The following C5 variants were observed in gnomAD, a reference collection of about 807,000 sequenced individuals.
C5 encodes the protein complement C5.
Under a neutral mutation model 218.8 loss-of-function variants are expected in C5, and 140 were observed. That is an observed-to-expected ratio of 0.64 (90% CI 0.56 to 0.74). The LOEUF (loss-of-function observed/expected upper bound fraction) is 0.74, where lower values mean the gene tolerates loss of function less well. C5 is among the 30% of genes least tolerant of loss of function. The probability of loss-of-function intolerance (pLI) is 0.00; values close to 1 mark genes in which losing one functional copy is unlikely to be tolerated. For synonymous variants in C5, 614 were observed against 682.3 expected (o/e 0.90, Z 1.56); for missense variants, 1,700 against 1,969.6 (o/e 0.86, Z 2.59).
At chr9:121,062,615 T>C in the C5 span, among the ~76,000 whole-genome samples, 1 of 152,342 alleles carries the variant, frequency 6.6e-6, no homozygotes, top group East Asian at 1.9e-4. Context: ...GAGAAAATTT[T>C]AAGACAACTA....
At chr9:120,953,077 C>T (rs1469444156) in intron 40 of C5, among the ~76,000 whole-genome samples, 1 of 152,174 alleles carries the variant, frequency 6.6e-6, no homozygotes, top group East Asian at 1.9e-4. Context: ...GTGCCTGCCA[C>T]CACGCCCGGC....
At chr9:121,074,544 A>C in the C5 span, among the ~76,000 whole-genome samples, 1 of 152,136 alleles carries the variant, frequency 6.6e-6, no homozygotes, top group Non-Finnish European at 1.5e-5. Flanking sequence ...TGATAAGAAC[A>C]CTCGCTCATA....
intron 26 of C5, 44 bp from the exon 27 acceptor site, chr9:120,981,983 T>G: frequency 7.5e-7 from 1 of 1,326,780 alleles, no homozygotes. Flanking sequence ...AATGGTGTCT[T>G]TAAGGCGAAA....
rs576539063 is a variant in C5, at chr9:121,017,428, C to T, written c.1800G>A (p.Val600=). 22 of 1,613,998 alleles carry T rather than the reference C, an allele frequency of 1.4e-5. No homozygotes were observed. The East Asian group carries it at 1.6e-4, about 11-fold the overall frequency. The change falls in exon 14 of 41, where the codon GTG becomes GTA. Residue 600 remains valine (V), a synonymous_variant. Coordinates refer to ENST00000223642, the MANE Select transcript of C5 (RefSeq NM_001735.3). ...LNMATGMDSW[V]ALAAVDSAVY... Reference sequence around the variant, plus strand: ...CAGCACTGTCCACTGCTGCTAATGCCACCCAGGAATCCATTCCAGTTGCCA... The same window carrying T: ...CAGCACTGTCCACTGCTGCTAATGCTACCCAGGAATCCATTCCAGTTGCCA...
chr9:120,959,706 A>C (rs1478433684), intron 38 of C5, among the ~76,000 whole-genome samples: 1 of 152,276 alleles, frequency 6.6e-6, no homozygotes, highest in Non-Finnish European at 1.5e-5. Context: ...CAAGGCTACA[A>C]CTGTACTTGA....
chr9:120,979,993 C>T, intron 28 of C5, 90 bp downstream of exon 28: 1 of 1,113,844 alleles, frequency 9.0e-7, no homozygotes. Flanking sequence ...GCATCTTACT[C>T]AAGTTCACAT....
upstream of C5, among the ~76,000 whole-genome samples, chr9:121,054,190 G>T (rs531545551): frequency 2.0e-5 from 3 of 151,962 alleles, no homozygotes; most frequent in Admixed American, 1.3e-4. Context: ...ATCATAAGAC[G>T]GACAAAACAG....
the C5 span, among the ~76,000 whole-genome samples, chr9:121,062,131 T>C: frequency 1.3e-5 from 2 of 152,178 alleles, no homozygotes; most frequent in African/African-American, 4.8e-5. Context: ...CCTGTTCCAA[T>C]GGAGAATGTG....
the C5 span, among the ~76,000 whole-genome samples, chr9:121,066,873 AAAAC>A: frequency 6.6e-6 from 1 of 151,148 alleles, no homozygotes; most frequent in East Asian, 1.9e-4. Context: ...AAAAAAAAAA[AAAAC>A]AAAAACACAT....
In C5 at chr9:121,002,308, A is replaced by ATGTG. The variant is rs71370613; in HGVS notation, c.2562+3607_2562+3610dup. 2.8e-4 allele frequency among the ~76,000 whole-genome samples: 19 copies of ATGTG among 66,938 alleles called. 2 individuals carry two copies. The East Asian group carries it at 6.8e-3, about 24-fold the overall frequency. The allele number at this position is 66,938 out of a possible 152,430, so 43.9% of individuals were successfully genotyped here. ...TATATATGTATATATGTATATATAT[A>ATGTG]TGTGTGTGTATATATATATATATAT... On this transcript the variant is annotated intron_variant, in intron 20 of 40. Transcript: ENST00000223642.
At position 120,976,858 on chromosome 9, in the gene C5, C is replaced by A. The variant is rs202114605; in HGVS notation, c.3706G>T (p.Asp1236Tyr). The A allele has an allele frequency of 6.2e-7, 1 of 1,614,144 alleles. No homozygotes were observed. Among genetic ancestry groups the A allele is most frequent in the Non-Finnish European group, 8.5e-7 (1 of 1,180,010 alleles). Reference protein sequence around the residue: ...RFWKDNLQHKDSSVPNTGTAR... With the variant: ...RFWKDNLQHKYSSVPNTGTAR... The stretch of plus-strand genomic sequence containing the variant: ...GTACCAGTGTTAGGTACAGAGCTGT[C>A]TTTATGCTGAAGATTGTCTTTCCAA... The change falls in exon 29 of 41, where the codon GAC (aspartate) becomes TAC (tyrosine). Residue 1236 changes from aspartate to tyrosine, a missense_variant. Transcript: ENST00000223642.
intron 17 of C5, 75 bp downstream of exon 17, chr9:121,013,798 G>C: frequency 8.1e-7 from 1 of 1,235,818 alleles, no homozygotes; most frequent in South Asian, 1.2e-5. Context: ...CATGAAAACT[G>C]CCTTTCTTAG....
the C5 span, among the ~76,000 whole-genome samples, chr9:121,067,912 T>C: frequency 1.3e-5 from 2 of 152,202 alleles, no homozygotes; most frequent in East Asian, 1.9e-4. Context: ...CTCTTCTTTA[T>C]AAATTACTCA....
intron 29 of C5, 127 bp from the exon 30 acceptor site, chr9:120,975,058 G>T: frequency 1.0e-6 from 1 of 1,000,856 alleles, no homozygotes; most frequent in Non-Finnish European, 1.6e-6. Context: ...GACTCAGTAA[G>T]ACTGGTTAAG....
At chr9:121,015,145 G>C (rs1420274627) in intron 16 of C5, 54 bp downstream of exon 16, 2 of 1,160,478 alleles carry the variant, frequency 1.7e-6, no homozygotes, top group African/African-American at 1.5e-5. Context: ...ATTTTGTCCA[G>C]TTTTTGAATG....
intron 39 of C5, among the ~76,000 whole-genome samples, chr9:120,955,674 T>C (rs1164859620): frequency 6.6e-6 from 1 of 152,146 alleles, no homozygotes; most frequent in African/African-American, 2.4e-5. Flanking sequence ...ATAAGTTTCA[T>C]ACAATGAAAC....
Position 121,013,930 on chromosome 9 carries a change from C to T in C5, c.2200G>A (p.Val734Ile), listed in dbSNP as rs771791383. ...ATATTAGCACGGAGCTGGCTTGCGA[C>T]GACACAACATTCAGTGAAAGCTTTG... ...CIKAFTECCV[V>I]ASQLRANISH... Residue 734 changes from valine to isoleucine, a missense_variant, in exon 17 of 41, where the codon GTC becomes ATC. Transcript: ENST00000223642. The T allele has an allele frequency of 4.7e-5, 76 of 1,614,000 alleles. No individual in the cohort carries two copies. The highest frequency in any genetic ancestry group is 8.9e-5 in the East Asian group (4 of 44,902).
chr9:121,049,834 T>C (rs995392391), intron 1 of C5, among the ~76,000 whole-genome samples: 1 of 152,166 alleles, frequency 6.6e-6, no homozygotes, highest in African/African-American at 2.4e-5. Context: ...GGTTTAACTG[T>C]GTATAGTCTA....
At chr9:121,060,063 A>G in the C5 span, among the ~76,000 whole-genome samples, 1 of 152,376 alleles carries the variant, frequency 6.6e-6, no homozygotes, top group South Asian at 2.1e-4. Flanking sequence ...GTAATTTTAC[A>G]CTAGATTAGC....
Sources: gnomAD v4.1 joint callset for allele counts (sites outside exome capture counted in the v4.1 genomes callset) on GRCh38, gnomAD v4.1.1 for gene constraint, MANE v1.5 for transcripts, NCBI Gene and HGNC (gene_info 2026-07-23, HGNC 2026-07-21) for gene names.